The following MICAL2 variants were observed in gnomAD, a reference collection of about 807,000 sequenced individuals.
MICAL2 encodes microtubule associated monooxygenase, calponin and LIM domain containing 2.
A neutral mutation model predicts 127.3 loss-of-function variants in MICAL2; 77 were observed. That is an observed-to-expected ratio of 0.60 (90% CI 0.50 to 0.73). MICAL2 has a LOEUF of 0.73. MICAL2 is among the 30% of genes least tolerant of loss of function. MICAL2 has a pLI of 0.00. For missense variants in MICAL2, 1,351 were observed against 1,434.4 expected, an observed-to-expected ratio of 0.94 and a Z score of 0.94; for synonymous variants, 570 against 551.1, an observed-to-expected ratio of 1.03 and a Z score of -0.48.
chr11:12,237,339 A>G (rs1250866741), intron 16 of MICAL2, among the ~76,000 whole-genome samples: 2 of 152,204 alleles, frequency 1.3e-5, no homozygotes, highest in African/African-American at 4.8e-5. Flanking sequence ...CTTCTCCACC[A>G]CTTGGCTGTG....
At chr11:12,300,236 G>A (rs141497773) in intron 29 of MICAL2, among the ~76,000 whole-genome samples, 2,142 of 152,274 alleles carry the variant, frequency 0.014, 49 homozygotes, top group African/African-American at 0.049. Context: ...ACAGTTTGCA[G>A]TGAGCTGAGA....
chr11:12,210,464 G>A (rs1461087895), intron 6 of MICAL2, among the ~76,000 whole-genome samples: 1 of 152,214 alleles, frequency 6.6e-6, no homozygotes, highest in East Asian at 1.9e-4. Flanking sequence ...CTGGAACAGG[G>A]CTAATCTTAG....
At chr11:12,326,649 A>G (rs949873714) in intron 31 of MICAL2, among the ~76,000 whole-genome samples, 1 of 152,242 alleles carries the variant, frequency 6.6e-6, no homozygotes, top group Non-Finnish European at 1.5e-5. Flanking sequence ...AGCTAAGGAC[A>G]GGAGCAGGAC....
Position 12,249,263 on chromosome 11 carries a change from C to CGT in MICAL2, c.2847+17_2847+18insGT. On this transcript the variant is annotated intron_variant, in intron 22 of 27. Transcript: ENST00000683283. ...CATCCTCAGGTGAGTTAGAGCCTCC[C>CGT]TGAACTTCAGCTGCCTCACCTGCAA... is the stretch of plus-strand genomic sequence containing the variant. 6.8e-7 allele frequency: 1 copy of CGT among 1,463,912 alleles called. No individual in the cohort carries two copies. Among genetic ancestry groups the CGT allele is most frequent in the Non-Finnish European group, 9.6e-7 (1 of 1,044,480 alleles). 90.7% of individuals were successfully genotyped at this position (1,463,912 alleles called of 1,614,324 possible).
intron 34 of MICAL2, among the ~76,000 whole-genome samples, chr11:12,355,381 C>A (rs1050499649): frequency 6.6e-6 from 1 of 152,138 alleles, no homozygotes; most frequent in African/African-American, 2.4e-5. Context: ...CATGAGAAAA[C>A]GATTCCACCA....
chr11:12,240,756 T>C (rs1565228977), intron 17 of MICAL2, among the ~76,000 whole-genome samples: 1 of 152,224 alleles, frequency 6.6e-6, no homozygotes, highest in Non-Finnish European at 1.5e-5. Context: ...TGGCAGTGCC[T>C]GCTTAAGGCC....
chr11:12,188,926 C>T (rs1442146184), intron 3 of MICAL2, among the ~76,000 whole-genome samples: 1 of 152,190 alleles, frequency 6.6e-6, no homozygotes, highest in African/African-American at 2.4e-5. Context: ...GATTTCTACA[C>T]ATCTTTTAGA....
intron 2 of MICAL2, chr11:12,161,755 C>T (rs531355240): frequency 9.7e-6 from 2 of 207,172 alleles, no homozygotes; most frequent in East Asian, 1.1e-4. Context: ...TTCCTAGTCA[C>T]TATTTGCAGA....
intron 25 of MICAL2, 73 bp from the exon 26 acceptor site, chr11:12,259,722 G>A (rs1156605919): frequency 1.5e-6 from 2 of 1,348,378 alleles, no homozygotes; most frequent in Non-Finnish European, 2.0e-6. Flanking sequence ...AGTTTGTATT[G>A]GCTGTTGGCT....
At chr11:12,167,137 C>T (rs915412236) in intron 3 of MICAL2, among the ~76,000 whole-genome samples, 1 of 152,058 alleles carries the variant, frequency 6.6e-6, no homozygotes, top group Non-Finnish European at 1.5e-5. Context: ...CACCACTCCC[C>T]ACAGGATTGC....
rs192080864 is a variant in MICAL2 at position 12,321,933 on chromosome 11, T to C, written c.5329-2045T>C. Among the ~76,000 whole-genome samples, 147 of 152,144 alleles carry C rather than the reference T, an allele frequency of 9.7e-4. 1 individual carries two copies. The highest frequency in any genetic ancestry group is 3.4e-3 in the African/African-American group (140 of 41,504). On this transcript the variant is annotated intron_variant, in intron 30 of 34. Coordinates refer to the MICAL2 transcript ENST00000646065. Reference sequence around the variant, plus strand: ...ATGGAAAAGTAGAGTAGGTCCTTGTTGTGTCTAAACGGTATTTGGCACAAG... The same window carrying C: ...ATGGAAAAGTAGAGTAGGTCCTTGTCGTGTCTAAACGGTATTTGGCACAAG...
chr11:12,268,043 G>A (rs1421326121), downstream of MICAL2, among the ~76,000 whole-genome samples: 1 of 152,164 alleles, frequency 6.6e-6, no homozygotes, highest in Non-Finnish European at 1.5e-5. Flanking sequence ...CACATAGTGG[G>A]CCCTCAAAAA....
chr11:12,165,250 C>T (rs550043220), intron 3 of MICAL2, among the ~76,000 whole-genome samples: 10 of 152,232 alleles, frequency 6.6e-5, no homozygotes, highest in African/African-American at 2.4e-4. Context: ...ATACAGGCCC[C>T]TGGCATATCA....
chr11:12,311,174 T>C (rs560030261), intron 29 of MICAL2, among the ~76,000 whole-genome samples: 1 of 152,164 alleles, frequency 6.6e-6, no homozygotes, highest in Non-Finnish European at 1.5e-5. Flanking sequence ...ATGCCACTTA[T>C]TTCTTTTTCT....
rs3829265 is a variant in MICAL2 at position 12,249,385 on chromosome 11, A to G, written c.2847+139A>G. ...GGCACCAGGGGACGAAGGTGGGCAG[A>G]CATGTGCTTGTACTGGGAGCTCACA... On this transcript the variant is annotated intron_variant, in intron 22 of 27. Coordinates refer to ENST00000683283, the MANE Select transcript of MICAL2 (RefSeq NM_001282663.2). 53,850 of 616,330 alleles carry G rather than the reference A, an allele frequency of 0.087. 4,031 individuals are homozygous for G. Among genetic ancestry groups the G allele is most frequent in the East Asian group, 0.35 (12,375 of 35,704 alleles). 38.2% of individuals were successfully genotyped at this position (616,330 alleles called of 1,614,324 possible).
In MICAL2 at chr11:12,204,444, C is replaced by G. The variant is rs1854415121; in HGVS notation, c.459C>G (p.Ser153=). The G allele has an allele frequency of 1.9e-6, 3 of 1,614,150 alleles. No homozygotes were observed. The highest frequency in any genetic ancestry group is 2.5e-6 in the Non-Finnish European group (3 of 1,179,996). ...TCTATGGGAAGTTCTGTGCTGGCTC[C>G]ATCGACCATATCAGTGAGTGGAGTC... ...KKFYGKFCAG[S]IDHISIRQLQ... is the part of the protein sequence containing the mutation. Residue 153 remains serine, a synonymous_variant, in exon 4 of 28, where the codon TCC becomes TCG. Transcript: ENST00000683283.
At chr11:12,262,231 G>A (rs1363981008) in intron 26 of MICAL2, 14 of 1,381,546 alleles carry the variant, frequency 1.0e-5, no homozygotes, top group Admixed American at 9.4e-5. Flanking sequence ...TGGGGGCAGA[G>A]AGGATATCAG....
intron 3 of MICAL2, among the ~76,000 whole-genome samples, chr11:12,168,104 C>A (rs1855734969): frequency 6.6e-6 from 1 of 150,848 alleles, no homozygotes; most frequent in African/African-American, 2.4e-5. Flanking sequence ...GAGTTCGAAA[C>A]CAAATTGGGC....
In MICAL2 at chr11:12,262,031, A is replaced by G. The variant is rs1030187998; in HGVS notation, c.3335-449A>G. On this transcript the variant is annotated intron_variant, in intron 26 of 27. Coordinates refer to ENST00000683283, the MANE Select transcript of MICAL2 (RefSeq NM_001282663.2). ...GAATCTCTGACTGTCGTGTACAGCC[A>G]TAAGGAGACTGGTTTGAATTACTGT... 5.7e-6 allele frequency: 6 copies of G among 1,055,088 alleles called. No individual in the cohort carries two copies. In the Admixed American group the frequency reaches 1.5e-4, roughly 26 times the overall value. The allele number at this position is 1,055,088 out of a possible 1,614,324, so 65.4% of individuals were successfully genotyped here. A position where few individuals can be genotyped will look rare whatever the true frequency, so the allele number is the denominator to read the frequency against.
Sources: allele counts gnomAD v4.1 joint callset (sites outside exome capture counted in the v4.1 genomes callset), GRCh38; gene constraint gnomAD v4.1.1; transcripts MANE v1.5; gene names NCBI Gene and HGNC (gene_info 2026-07-23, HGNC 2026-07-21).